GTSF1: variants seen among roughly 807,000 people sequenced by gnomAD.
The protein encoded by GTSF1 is gametocyte specific factor 1, also known as gametocyte-specific factor 1.
Under a neutral mutation model 28.9 loss-of-function variants are expected in GTSF1, and 11 were observed. The observed-to-expected ratio is 0.38, with a 90% CI of 0.24 to 0.63. GTSF1 has a LOEUF of 0.63. Among genes scored for constraint, GTSF1 ranks in the 30% least tolerant of loss-of-function variants. The probability of loss-of-function intolerance (pLI) is 0.56; values close to 1 mark genes in which losing one functional copy is unlikely to be tolerated. For missense variants in GTSF1, 146 were observed against 201.0 expected (o/e 0.73, Z 1.66); for synonymous variants, 69 against 65.6 (o/e 1.05, Z -0.25).
At position 54,462,133 on chromosome 12, in the gene GTSF1, G is replaced by A. The variant is rs1284339820; in HGVS notation, c.368C>T (p.Thr123Ile). ...EQTSTPFVWG[T>I]THYSDNNSPA... ...CCTGTTGTTGTCAGAGTAGTGAGTT[G>A]TGCCCCAGACAAATGGGGTGCTGGT... is the stretch of plus-strand genomic sequence containing the variant. Residue 123 changes from threonine to isoleucine, a missense_variant, in exon 6 of 9, where the codon ACA becomes ATA. Transcript: ENST00000305879. The A allele has an allele frequency of 8.7e-6, 14 of 1,613,566 alleles. No individual in the cohort carries two copies. Among genetic ancestry groups the A allele is most frequent in the Non-Finnish European group, 1.1e-5 (13 of 1,179,664 alleles).
chr12:54,468,153 G>A (rs1010777868), intron 2 of GTSF1, among the ~76,000 whole-genome samples: 5 of 151,978 alleles, frequency 3.3e-5, no homozygotes, highest in Admixed American at 6.6e-5. Context: ...TTTGAGACAG[G>A]GTCTTGCTCT....
chr12:54,464,717 T>A (rs2120765535), intron 3 of GTSF1: 1 of 155,100 alleles, frequency 6.4e-6, no homozygotes, highest in Non-Finnish European at 1.4e-5. Flanking sequence ...AAAAAGTGAG[T>A]TATAGCACTC....
chr12:54,471,289 A>G lies in GTSF1; in HGVS notation c.-29-12T>C, dbSNP rs746408963. 5.7e-5 allele frequency: 90 copies of G among 1,576,522 alleles called. No homozygotes were observed. Among genetic ancestry groups the G allele is most frequent in the Non-Finnish European group, 7.5e-5 (87 of 1,160,786 alleles). Reference sequence around the variant, plus strand: ...GCTGAATCCAAGTGCTGGAAAAAACAAAAGTGTGATTCAGGAAATCAGAAA... The same window carrying G: ...GCTGAATCCAAGTGCTGGAAAAAACGAAAGTGTGATTCAGGAAATCAGAAA... On this transcript the variant is annotated splice_polypyrimidine_tract_variant and intron_variant, in intron 1 of 8. Coordinates refer to ENST00000305879, the MANE Select transcript of GTSF1 (RefSeq NM_144594.3).
chr12:54,462,243 T>C lies in GTSF1; in HGVS notation c.329-71A>G, dbSNP rs1427679594. ...CACCAGCAGTTCATGTTGGTTGAAT[T>C]TATAAGATGGGAAATAATACACCTA... is the stretch of plus-strand genomic sequence containing the variant. On this transcript the variant is annotated intron_variant, in intron 5 of 8. Coordinates refer to ENST00000305879, the MANE Select transcript of GTSF1 (RefSeq NM_144594.3). 3.6e-6 allele frequency: 4 copies of C among 1,107,054 alleles called. No homozygotes were observed. In the East Asian group the frequency reaches 9.5e-5, roughly 26 times the overall value. 68.6% of individuals were successfully genotyped at this position (1,107,054 alleles called of 1,614,324 possible).
At chr12:54,465,617 AC>A (rs1407350695) in intron 2 of GTSF1, among the ~76,000 whole-genome samples, 1 of 151,734 alleles carries the variant, frequency 6.6e-6, no homozygotes, top group Non-Finnish European at 1.5e-5. Flanking sequence ...GTCATCCCCT[AC>A]CCCCCATTTC....
intron 2 of GTSF1, among the ~76,000 whole-genome samples, chr12:54,469,616 A>G (rs1956569184): frequency 7.0e-6 from 1 of 142,760 alleles, no homozygotes; most frequent in African/African-American, 2.6e-5. Flanking sequence ...TGAACCCAGG[A>G]GGCAGAGGTT....
Position 54,471,234 on chromosome 12 carries a change from G to C in GTSF1, c.15C>G (p.Tyr5Ter). MEET[Y>*]TDSLDPEKLL... Reference sequence around the variant, plus strand: ...CTAAAAGCAACAAGGAGTACATACTGTAAGTTTCTTCCATGTTGGAAATGA... The same window carrying C: ...CTAAAAGCAACAAGGAGTACATACTCTAAGTTTCTTCCATGTTGGAAATGA... The change falls in exon 2 of 9, where the codon TAC becomes TAG. Residue 5 changes from tyrosine (Y) to a stop codon, truncating the protein, a stop_gained and splice_region_variant. Coordinates refer to ENST00000305879, the MANE Select transcript of GTSF1 (RefSeq NM_144594.3). LOFTEE classifies it high-confidence loss of function. The C allele has an allele frequency of 6.3e-7, 1 of 1,592,780 alleles. No individual in the cohort carries two copies. Among genetic ancestry groups the C allele is most frequent in the African/African-American group, 1.4e-5 (1 of 74,016 alleles).
chr12:54,469,753 A>C (rs1956571509), intron 2 of GTSF1, among the ~76,000 whole-genome samples: 1 of 148,086 alleles, frequency 6.8e-6, no homozygotes, highest in Admixed American at 6.7e-5. Context: ...CAGTGGTGTG[A>C]TCATAGCTCA....
At chr12:54,473,207 T>C (rs7135358) in intron 1 of GTSF1, among the ~76,000 whole-genome samples, 10,123 of 152,162 alleles carry the variant, frequency 0.067, 477 homozygotes, top group South Asian at 0.12. Context: ...CGGCGGCTAC[T>C]GGTTAAACGC....
intron 2 of GTSF1, among the ~76,000 whole-genome samples, chr12:54,467,274 C>T (rs889550366): frequency 3.3e-5 from 5 of 151,534 alleles, no homozygotes; most frequent in African/African-American, 4.8e-5. Context: ...AAGGTTTATC[C>T]GTGTTATAAC....
intron 2 of GTSF1, among the ~76,000 whole-genome samples, chr12:54,467,837 A>G (rs1360402098): frequency 1.3e-5 from 2 of 150,066 alleles, no homozygotes; most frequent in African/African-American, 4.9e-5. Flanking sequence ...TGCAATGGCG[A>G]ATCTCGGCTC....
intron 2 of GTSF1, among the ~76,000 whole-genome samples, chr12:54,470,124 C>T (rs138316356): frequency 3.3e-5 from 5 of 151,806 alleles, no homozygotes; most frequent in East Asian, 2.0e-4. Context: ...TGCAATGAGC[C>T]GAGATTGTGC....
intron 6 of GTSF1, 102 bp from the exon 7 acceptor site, chr12:54,460,573 C>T (rs543415807): frequency 2.4e-4 from 169 of 718,648 alleles, no homozygotes; most frequent in Non-Finnish European, 3.8e-4. Context: ...GGAAAAACAA[C>T]AACCTACATT....
Position 54,460,473 on chromosome 12 carries a change from T to C in GTSF1, c.393-2A>G. 1 of 1,608,986 alleles carries C rather than the reference T, an allele frequency of 6.2e-7. No homozygotes were observed. Among genetic ancestry groups the C allele is most frequent in the Non-Finnish European group, 8.5e-7 (1 of 1,175,742 alleles). ...TCTGTAACTATGTTGCTCGCAGGGC[T>C]GCAAAAAGATGAATTTGGCTATGTC... On this transcript the variant is annotated splice_acceptor_variant, in intron 6 of 8. Transcript: ENST00000305879. LOFTEE classifies it high-confidence loss of function.
rs529491179 is a variant in GTSF1, at chr12:54,470,971, A to G, written c.16+262T>C. Reference sequence around the variant, plus strand: ...AGAAGTTACTATCCCCGTGTCATACATACAAGAAGGTGAAGTCCTGCCTCA... The same window carrying G: ...AGAAGTTACTATCCCCGTGTCATACGTACAAGAAGGTGAAGTCCTGCCTCA... On this transcript the variant is annotated intron_variant, in intron 2 of 8. Coordinates refer to ENST00000305879, the MANE Select transcript of GTSF1 (RefSeq NM_144594.3). 8.5e-5 allele frequency among the ~76,000 whole-genome samples: 13 copies of G among 152,366 alleles called. No homozygotes were observed. The South Asian group carries it at 2.7e-3, about 32-fold the overall frequency.
At chr12:54,458,980 C>T in intron 8 of GTSF1, 109 bp downstream of exon 8, 1 of 706,290 alleles carries the variant, frequency 1.4e-6, no homozygotes, top group Non-Finnish European at 2.4e-6. Context: ...ACACACAAAG[C>T]TTTAATTTGG....
chr12:54,470,311 G>A (rs1340358635), intron 2 of GTSF1, among the ~76,000 whole-genome samples: 1 of 152,226 alleles, frequency 6.6e-6, no homozygotes, highest in African/African-American at 2.4e-5. Flanking sequence ...TTTTGAATCA[G>A]AAAATCTGCA....
At chr12:54,461,093 A>C (rs1009110449) in intron 6 of GTSF1, among the ~76,000 whole-genome samples, 1 of 151,928 alleles carries the variant, frequency 6.6e-6, no homozygotes, top group African/African-American at 2.4e-5. Flanking sequence ...AAATAGCTTC[A>C]TTCATTTTTA....
At chr12:54,463,139 A>G (rs1276021979) in intron 4 of GTSF1, 32 bp downstream of exon 4, 1 of 1,604,942 alleles carries the variant, frequency 6.2e-7, no homozygotes, top group Admixed American at 1.7e-5. Context: ...GCTACCCTCC[A>G]GTACTGAAAT....
Sources: gnomAD v4.1 joint callset for allele counts (sites outside exome capture counted in the v4.1 genomes callset) on GRCh38, gnomAD v4.1.1 for gene constraint, MANE v1.5 for transcripts, NCBI Gene and HGNC (gene_info 2026-07-23, HGNC 2026-07-21) for gene names.